HMGCS1: variants seen among roughly 807,000 people sequenced by gnomAD.
The protein encoded by HMGCS1 is 3-hydroxy-3-methylglutaryl-CoA synthase 1.
HMGCS1 carries 9 observed loss-of-function variants against 52.3 expected under a neutral mutation model. That is an observed-to-expected ratio of 0.17 (90% CI 0.10 to 0.30). HMGCS1 has a LOEUF of 0.30. Ranked by LOEUF, HMGCS1 falls within the 10% of genes least tolerant of loss-of-function variation. The probability of loss-of-function intolerance (pLI) is 1.00; values close to 1 mark genes in which losing one functional copy is unlikely to be tolerated. For missense variants in HMGCS1, 320 were observed against 620.9 expected (o/e 0.52, Z 5.15); for synonymous variants, 176 against 214.4 (o/e 0.82, Z 1.57).
At chr5:43,308,003 C>A (rs1321058695) in intron 1 of HMGCS1, among the ~76,000 whole-genome samples, 179 bp from the exon 2 acceptor site, 1 of 152,088 alleles carries the variant, frequency 6.6e-6, no homozygotes, top group East Asian at 1.9e-4. Context: ...GAACATTTTC[C>A]CCCTTATTTT....
At chr5:43,303,310 T>C (rs1263807172) in intron 2 of HMGCS1, among the ~76,000 whole-genome samples, 11 of 152,204 alleles carry the variant, frequency 7.2e-5, no homozygotes, top group Non-Finnish European at 1.5e-5. Context: ...CAGGTTTAGA[T>C]GAGGTCATGA....
intron 2 of HMGCS1, among the ~76,000 whole-genome samples, chr5:43,301,957 T>C (rs908011289): frequency 4.6e-5 from 7 of 152,236 alleles, no homozygotes; most frequent in African/African-American, 1.7e-4. Context: ...CACTTTGTTC[T>C]ACTCCACTTC....
At chr5:43,305,731 A>G (rs536400194) in intron 2 of HMGCS1, among the ~76,000 whole-genome samples, 46 of 150,214 alleles carry the variant, frequency 3.1e-4, no homozygotes, top group Non-Finnish European at 4.4e-4. Flanking sequence ...GATCTGAGCC[A>G]AGATCGTGCC....
At chr5:43,302,115 C>T (rs1343500734) in intron 2 of HMGCS1, among the ~76,000 whole-genome samples, 1 of 152,212 alleles carries the variant, frequency 6.6e-6, no homozygotes, top group Non-Finnish European at 1.5e-5. Flanking sequence ...CATCTCCATA[C>T]ATTTTTCCAG....
intron 4 of HMGCS1, among the ~76,000 whole-genome samples, chr5:43,297,782 G>A (rs1002936435): frequency 1.3e-5 from 2 of 150,380 alleles, no homozygotes; most frequent in Non-Finnish European, 2.9e-5. Context: ...AGGTTGCAGT[G>A]AGCCGAGATC....
At chr5:43,311,519 T>C (rs183644619) in intron 1 of HMGCS1, among the ~76,000 whole-genome samples, 8 of 152,320 alleles carry the variant, frequency 5.3e-5, no homozygotes, top group Admixed American at 2.0e-4. Flanking sequence ...GATTCTGATA[T>C]GTAGCAAAAC....
intron 1 of HMGCS1, among the ~76,000 whole-genome samples, chr5:43,311,839 G>GT (rs796994593): frequency 2.0e-5 from 3 of 152,302 alleles, no homozygotes; most frequent in South Asian, 2.1e-4. Flanking sequence ...TCCCCACAGC[G>GT]TAAGTCAGAC....
Position 43,290,683 on chromosome 5 carries a change from C to T in HMGCS1, c.*448G>A, listed in dbSNP as rs1753705867. On this transcript the variant is annotated 3_prime_UTR_variant, in exon 11 of 11. Transcript: ENST00000325110. ...ACACTGGGGAATGTTGTCACATTCC[C>T]CAAGCTAGAAATGTTTTCCAAAAAC... The T allele has an allele frequency of 6.5e-6, 1 of 153,458 alleles. No individual in the cohort carries two copies. Among genetic ancestry groups the T allele is most frequent in the Admixed American group, 6.5e-5 (1 of 15,452 alleles). 9.5% of individuals were successfully genotyped at this position (153,458 alleles called of 1,614,324 possible). A position where few individuals can be genotyped will look rare whatever the true frequency, so the allele number is the denominator to read the frequency against.
intron 1 of HMGCS1, among the ~76,000 whole-genome samples, chr5:43,310,981 G>A (rs1041515449): frequency 6.6e-6 from 1 of 152,190 alleles, no homozygotes; most frequent in African/African-American, 2.4e-5. Context: ...CCAGTTGACA[G>A]ACATTAAGTG....
intron 1 of HMGCS1, among the ~76,000 whole-genome samples, chr5:43,311,233 A>G (rs1754847743): frequency 6.6e-6 from 1 of 151,454 alleles, no homozygotes; most frequent in Admixed American, 6.6e-5. Flanking sequence ...AGGCTGAGGC[A>G]GGAGAATCAC....
In HMGCS1 at chr5:43,298,960, A is replaced by G. The variant is rs1403086215; in HGVS notation, c.6T>C (p.Pro2=). M[P]GSLPLNAEAC... ...CTTCTGCATTCAAAGGAAGTGATCC[A>G]GGCATGGTGAAAGAGCTTTAGAAAG... is the stretch of plus-strand genomic sequence containing the variant. Residue 2 remains proline (P), a synonymous_variant, in exon 3 of 11, where the codon CCT becomes CCC. Coordinates refer to ENST00000325110, the MANE Select transcript of HMGCS1 (RefSeq NM_001098272.3). This position sits in a 1 kb window ranked among gnomAD's most constrained non-coding sequence, Gnocchi z 5.6. The G allele has an allele frequency of 6.2e-7, 1 of 1,606,698 alleles. No individual in the cohort carries two copies. Among genetic ancestry groups the G allele is most frequent in the Non-Finnish European group, 8.5e-7 (1 of 1,176,670 alleles).
chr5:43,292,829 G>A lies in HMGCS1; in HGVS notation c.1309+19C>T. ...AGCCCTCCAAATGGGTTAACTTAAA[G>A]AACATTTAATATTTTTACCCAAATG... On this transcript the variant is annotated intron_variant, in intron 9 of 10. Coordinates refer to ENST00000325110, the MANE Select transcript of HMGCS1 (RefSeq NM_001098272.3). The A allele has an allele frequency of 6.2e-7, 1 of 1,610,484 alleles. No homozygotes were observed. Among genetic ancestry groups the A allele is most frequent in the East Asian group, 2.2e-5 (1 of 44,856 alleles).
chr5:43,291,078 T>C lies in HMGCS1; in HGVS notation c.*53A>G. 1 of 859,348 alleles carries C rather than the reference T, an allele frequency of 1.2e-6. No individual in the cohort carries two copies. Among genetic ancestry groups the C allele is most frequent in the Non-Finnish European group, 2.0e-6 (1 of 495,852 alleles). 53.2% of individuals were successfully genotyped at this position (859,348 alleles called of 1,614,324 possible). On this transcript the variant is annotated 3_prime_UTR_variant, in exon 11 of 11. Transcript: ENST00000325110. ...TATCCCATTCCTCCAACTGTTCCCA[T>C]ACCCCCACCCCATGCCCACCCCACC...
Position 43,292,456 on chromosome 5 carries a change from G to C in HMGCS1, c.1473+18C>G. On this transcript the variant is annotated intron_variant, in intron 10 of 10. Transcript: ENST00000325110. Reference sequence around the variant, plus strand: ...CTCCTAAACCCTAAGATATGGAGATGGGAACTCTTTTATTTACCTCAGTTG... The same window carrying C: ...CTCCTAAACCCTAAGATATGGAGATCGGAACTCTTTTATTTACCTCAGTTG... 1 of 1,607,666 alleles carries C rather than the reference G, an allele frequency of 6.2e-7. No homozygotes were observed. Among genetic ancestry groups the C allele is most frequent in the Non-Finnish European group, 8.5e-7 (1 of 1,174,670 alleles).
Position 43,291,227 on chromosome 5 carries a change from T to G in HMGCS1, c.1474-7A>C. 6.3e-7 allele frequency: 1 copy of G among 1,588,230 alleles called. No homozygotes were observed. Among genetic ancestry groups the G allele is most frequent in the Admixed American group, 1.7e-5 (1 of 59,880 alleles). On this transcript the variant is annotated splice_region_variant and splice_polypyrimidine_tract_variant and intron_variant, in intron 10 of 10. Coordinates refer to ENST00000325110, the MANE Select transcript of HMGCS1 (RefSeq NM_001098272.3). ...TGGCAGGGCTTGGAATATGCTAAAA[T>G]GAAAGGAAAAAAGTTGATGGCTCTT... is the stretch of plus-strand genomic sequence containing the variant.
Position 43,291,010 on chromosome 5 carries a change from TA to T in HMGCS1, c.*120del. The stretch of plus-strand genomic sequence containing the variant: ...TCATCCAGGCTCCATGTCAGTCACA[TA>T]AAAATTTACATAACATGTAATCCTT... On this transcript the variant is annotated 3_prime_UTR_variant, in exon 11 of 11. Transcript: ENST00000325110. The T allele has an allele frequency of 1.5e-6, 1 of 651,772 alleles. No homozygotes were observed. The highest frequency in any genetic ancestry group is 2.8e-6 in the Non-Finnish European group (1 of 361,220). The allele number at this position is 651,772 out of a possible 1,614,324, so 40.4% of individuals were successfully genotyped here.
chr5:43,313,009 AC>A (rs1283040116), intron 1 of HMGCS1: 4 of 147,382 alleles, frequency 2.7e-5, no homozygotes, highest in East Asian at 2.0e-4. Flanking sequence ...CCCTCCTGAC[AC>A]CCCCCACTCA....
chr5:43,307,067 A>ATTT (rs59297862), intron 2 of HMGCS1, among the ~76,000 whole-genome samples: 4 of 123,690 alleles, frequency 3.2e-5, no homozygotes, highest in Admixed American at 1.7e-4. Flanking sequence ...TTCTCACATA[A>ATTT]TTTTTTTTTT....
At chr5:43,297,315 A>G (rs1335048378) in intron 4 of HMGCS1, 149 bp from the exon 5 acceptor site, 3 of 635,752 alleles carry the variant, frequency 4.7e-6, no homozygotes, top group Non-Finnish European at 8.2e-6. Context: ...TGAAGCCAAT[A>G]TAAGTGAAAT....
Sources: gnomAD v4.1 joint callset for allele counts (sites outside exome capture counted in the v4.1 genomes callset) on GRCh38, gnomAD v4.1.1 for gene constraint, Gnocchi (gnomAD v3.1) non-coding constraint, MANE v1.5 for transcripts, NCBI Gene and HGNC (gene_info 2026-07-23, HGNC 2026-07-21) for gene names.